Variants in PRKDC observed in about 807,000 individuals in gnomAD.
The protein encoded by PRKDC is protein kinase, DNA-activated, catalytic subunit, also known as DNA-dependent protein kinase catalytic subunit.
Under a neutral mutation model 486.9 loss-of-function variants are expected in PRKDC, and 82 were observed. That is an observed-to-expected ratio of 0.17 (90% confidence interval 0.14 to 0.20). The LOEUF (loss-of-function observed/expected upper bound fraction) is 0.20. PRKDC is among the 10% of genes least tolerant of loss of function. The pLI, the probability that PRKDC is intolerant of heterozygous loss-of-function variation, is 1.00. For missense variants in PRKDC, 4,504 were observed against 5,038.2 expected (o/e 0.89, Z 3.21); for synonymous variants, 1,895 against 1,837.0 (o/e 1.03, Z -0.81).
intron 30 of PRKDC, among the ~76,000 whole-genome samples, chr8:47,896,074 T>C (rs1352933613): frequency 1.3e-5 from 2 of 152,140 alleles, no homozygotes; most frequent in African/African-American, 4.8e-5. Flanking sequence ...CTAATGTTTT[T>C]TAAACAATTA....
rs766145061 is a variant in PRKDC, at chr8:47,897,270, C to T, written c.3489G>A (p.Leu1163=). The change falls in exon 30 of 86, where the codon TTG becomes TTA. Residue 1163 remains leucine, a synonymous_variant. Transcript: ENST00000314191. ...GCCACTTGACCAGATCCAATAAACA[C>T]AATGATGCGGAAGGTGGAAATCCTC... ...LPRGFPPSAS[L]CLLDLVKWLL... 4.4e-6 allele frequency: 7 copies of T among 1,599,242 alleles called. No homozygotes were observed. The highest frequency in any genetic ancestry group is 6.0e-6 in the Non-Finnish European group (7 of 1,168,368).
chr8:47,870,204 C>G (rs1003061590), intron 40 of PRKDC, among the ~76,000 whole-genome samples: 1 of 152,280 alleles, frequency 6.6e-6, no homozygotes, highest in Middle Eastern at 3.4e-3. Context: ...AGTAGCCAGG[C>G]AGTGGTCACT....
chr8:47,818,125 T>C (rs1316023873), intron 67 of PRKDC, among the ~76,000 whole-genome samples: 4 of 152,190 alleles, frequency 2.6e-5, no homozygotes, highest in Non-Finnish European at 5.9e-5. Flanking sequence ...TGTTTTTCTT[T>C]CTGTTGGGGG....
At chr8:47,906,002 C>T (rs2089773875) in intron 25 of PRKDC, among the ~76,000 whole-genome samples, 1 of 152,138 alleles carries the variant, frequency 6.6e-6, no homozygotes, top group Non-Finnish European at 1.5e-5. Flanking sequence ...AGAAGTGGAT[C>T]AGAGCAATTA....
rs199786247 is a variant in PRKDC, at chr8:47,882,118, G to A, written c.4777-21C>T. ...CTCACCTGAGACAATTTCGTTGTGAGTGAAGAAAAATTCTTAATTTTGAGA... is the reference window on the plus strand; with the variant it reads ...CTCACCTGAGACAATTTCGTTGTGAATGAAGAAAAATTCTTAATTTTGAGA... On this transcript the variant is annotated intron_variant, in intron 36 of 85. Coordinates refer to ENST00000314191, the MANE Select transcript of PRKDC (RefSeq NM_006904.7). The A allele has an allele frequency of 1.6e-4, 257 of 1,579,022 alleles. No individual in the cohort carries two copies. In the Middle Eastern group the frequency reaches 1.7e-3, roughly 10 times the overall value.
chr8:47,862,391 A>G lies in PRKDC; in HGVS notation c.5901T>C (p.Phe1967=), dbSNP rs1038681711. 5 of 1,613,920 alleles carry G rather than the reference A, an allele frequency of 3.1e-6. No homozygotes were observed. Among genetic ancestry groups the G allele is most frequent in the East Asian group, 2.2e-5 (1 of 44,886 alleles). The stretch of plus-strand genomic sequence containing the variant: ...GGCCTACCTTTTCTGGTTTTTCACT[A>G]AACAGAAAACCTTGGTAAAATTTTA... ...NELKFYQGFL[F]SEKPEKNLLI... is the part of the protein sequence containing the mutation. The change falls in exon 43 of 86, where the codon TTT becomes TTC. Residue 1967 remains phenylalanine (F), a synonymous_variant. Coordinates refer to ENST00000314191, the MANE Select transcript of PRKDC (RefSeq NM_006904.7).
chr8:47,958,453 G>A (rs1260260942), intron 1 of PRKDC, among the ~76,000 whole-genome samples: 1 of 152,150 alleles, frequency 6.6e-6, no homozygotes, highest in Non-Finnish European at 1.5e-5. Flanking sequence ...ACAGACCTGT[G>A]CTGTTTTAAA....
At chr8:47,849,903 A>G (rs1168669752) in intron 52 of PRKDC, among the ~76,000 whole-genome samples, 1 of 152,246 alleles carries the variant, frequency 6.6e-6, no homozygotes, top group Non-Finnish European at 1.5e-5. Flanking sequence ...TATGGTGTTC[A>G]GATTTCTGAT....
chr8:47,914,048 C>T lies in PRKDC; in HGVS notation c.2634G>A (p.Glu878=). ...KNLLTVTSSD[E]MMKSYVAWDR... The stretch of plus-strand genomic sequence containing the variant: ...CCCAGGCCACATAGCTCTTCATCAT[C>T]TCATCTGAGGACGTGACTGTTAGAA... Residue 878 remains glutamate, a synonymous_variant, in exon 24 of 86, where the codon GAG becomes GAA. Coordinates refer to ENST00000314191, the MANE Select transcript of PRKDC (RefSeq NM_006904.7). 6.5e-7 allele frequency: 1 copy of T among 1,549,236 alleles called. No homozygotes were observed. Among genetic ancestry groups the T allele is most frequent in the South Asian group, 1.3e-5 (1 of 78,094 alleles).
intron 7 of PRKDC, among the ~76,000 whole-genome samples, chr8:47,946,783 C>A (rs528128134): frequency 6.6e-6 from 1 of 152,128 alleles, no homozygotes; most frequent in Non-Finnish European, 1.5e-5. Flanking sequence ...TTAAATATAT[C>A]CAACACAAAA....
At chr8:47,790,308 T>C (rs916278382) in intron 74 of PRKDC, among the ~76,000 whole-genome samples, 1 of 152,128 alleles carries the variant, frequency 6.6e-6, no homozygotes, top group Non-Finnish European at 1.5e-5. Context: ...CTATTTACAA[T>C]AGCCACAAAT....
chr8:47,898,622 T>C (rs2089625550), intron 28 of PRKDC, 53 bp from the exon 29 acceptor site: 2 of 1,093,802 alleles, frequency 1.8e-6, no homozygotes, highest in African/African-American at 1.6e-5. Flanking sequence ...TAGCTGATTA[T>C]TATTAAATTT....
At chr8:47,824,468 CAAAAAAAAAA>C (rs11369602) in intron 63 of PRKDC, among the ~76,000 whole-genome samples, 3 of 37,692 alleles carry the variant, frequency 8.0e-5, no homozygotes, top group African/African-American at 1.1e-4. Flanking sequence ...GACTCCGCCT[CAAAAAAAAAA>C]AAAAAAAAAA....
Position 47,942,917 on chromosome 8 carries a change from C to A in PRKDC, c.966+292G>T, listed in dbSNP as rs565163556. ...GATGGGGCTCCCCTCAGCCCTCCAC[C>A]CACTCTCCAGCCCTGACCTCCCAGC... is the stretch of plus-strand genomic sequence containing the variant. On this transcript the variant is annotated intron_variant, in intron 10 of 85. Transcript: ENST00000314191. 8.5e-5 allele frequency among the ~76,000 whole-genome samples: 13 copies of A among 152,342 alleles called. No homozygotes were observed. In the South Asian group the frequency reaches 2.3e-3, roughly 27 times the overall value.
chr8:47,936,662 G>T, intron 11 of PRKDC, 145 bp from the exon 12 acceptor site: 2 of 906,936 alleles, frequency 2.2e-6, no homozygotes, highest in Non-Finnish European at 3.2e-6. Flanking sequence ...TCTTGTCCAG[G>T]CTGGAGTGCA....
chr8:47,804,698 C>T (rs978473496), intron 69 of PRKDC, among the ~76,000 whole-genome samples: 11 of 152,172 alleles, frequency 7.2e-5, no homozygotes, highest in African/African-American at 2.2e-4. Flanking sequence ...TGAGCTTAAG[C>T]TTTTGTTTCT....
chr8:47,857,431 C>T (rs1441973428), intron 48 of PRKDC, 132 bp from the exon 49 acceptor site: 15 of 975,442 alleles, frequency 1.5e-5, no homozygotes, highest in South Asian at 3.7e-5. Context: ...GAGGTAAGCA[C>T]GTTAAAGTGA....
At chr8:47,839,342 G>A (rs913533422) in intron 55 of PRKDC, 96 bp from the exon 56 acceptor site, 71 of 874,436 alleles carry the variant, frequency 8.1e-5, no homozygotes, top group South Asian at 1.6e-4. Flanking sequence ...AATTTTAAAA[G>A]GCTTGTTTTC....
rs2090717633 is a variant in PRKDC at position 47,957,165 on chromosome 8, T to G, written c.324+6A>C. 1 of 1,538,894 alleles carries G rather than the reference T, an allele frequency of 6.5e-7. No individual in the cohort carries two copies. Among genetic ancestry groups the G allele is most frequent in the Non-Finnish European group, 8.9e-7 (1 of 1,118,328 alleles). The stretch of plus-strand genomic sequence containing the variant: ...AATGTAATAAGGTATGTTTTTTAAT[T>G]CTTACCTTAATTTCAACAGAGTAAG... On this transcript the variant is annotated splice_donor_region_variant and intron_variant, in intron 3 of 85. Transcript: ENST00000314191.
Sources: allele counts gnomAD v4.1 joint callset (sites outside exome capture counted in the v4.1 genomes callset), GRCh38; gene constraint gnomAD v4.1.1; transcripts MANE v1.5; gene names NCBI Gene and HGNC (gene_info 2026-07-23, HGNC 2026-07-21).